Variants in DLG2 observed in about 807,000 individuals in gnomAD.
The protein encoded by DLG2 is disks large homolog 2.
In DLG2, 45 loss-of-function variants were observed where a neutral mutation model predicts 132.5. The observed-to-expected ratio is 0.34, with a 90% CI of 0.27 to 0.44. DLG2 has a LOEUF of 0.44. Among genes scored for constraint, DLG2 ranks in the 20% least tolerant of loss-of-function variants. The pLI is 1.00. For missense variants in DLG2, 1,045 were observed against 1,196.9 expected (o/e 0.87, Z 1.87); for synonymous variants, 424 against 419.6 (o/e 1.01, Z -0.13).
chr11:83,667,328 A>C (rs2075813822), intron 18 of DLG2, among the ~76,000 whole-genome samples: 1 of 152,214 alleles, frequency 6.6e-6, no homozygotes, highest in Non-Finnish European at 1.5e-5. Flanking sequence ...TAGCTGTCTA[A>C]GGATATGACA....
At chr11:85,134,783 GAAGAA>G (rs1372589096) in intron 5 of DLG2, among the ~76,000 whole-genome samples, 1 of 151,962 alleles carries the variant, frequency 6.6e-6, no homozygotes, top group East Asian at 1.9e-4. Context: ...AGGAAAAAAA[GAAGAA>G]AAGACAAGCT....
At chr11:83,724,192 T>A (rs1159020423) in intron 18 of DLG2, among the ~76,000 whole-genome samples, 1 of 152,010 alleles carries the variant, frequency 6.6e-6, no homozygotes, top group Non-Finnish European at 1.5e-5. Flanking sequence ...ACTGAACGCG[T>A]AAAATAAAAT....
At chr11:85,131,478 A>G (rs912578341) in intron 5 of DLG2, among the ~76,000 whole-genome samples, 5 of 152,150 alleles carry the variant, frequency 3.3e-5, no homozygotes, top group African/African-American at 1.2e-4. Context: ...TAGATTACAT[A>G]AGGACATACA....
intron 6 of DLG2, among the ~76,000 whole-genome samples, chr11:85,106,128 C>T (rs2071710961): frequency 6.6e-6 from 1 of 151,814 alleles, no homozygotes; most frequent in Admixed American, 6.6e-5. Context: ...ACAATTAACA[C>T]TTCAAAAGAA....
intron 6 of DLG2, among the ~76,000 whole-genome samples, chr11:84,798,574 A>AGGCTC (rs1357894928): frequency 2.0e-5 from 3 of 152,122 alleles, no homozygotes; most frequent in African/African-American, 7.2e-5. Flanking sequence ...TCAGGACAGA[A>AGGCTC]GGCTCTCCTC....
At chr11:84,961,093 G>A (rs1003279549) in intron 6 of DLG2, among the ~76,000 whole-genome samples, 6 of 151,670 alleles carry the variant, frequency 4.0e-5, no homozygotes, top group Non-Finnish European at 7.4e-5. Context: ...TGGGGAGTAG[G>A]CTCACGCTCC....
chr11:84,590,675 T>A (rs2099540706), intron 6 of DLG2, among the ~76,000 whole-genome samples: 1 of 152,124 alleles, frequency 6.6e-6, no homozygotes, highest in Non-Finnish European at 1.5e-5. Flanking sequence ...TATGAAGGTG[T>A]TCCTTACCTT....
At chr11:84,792,846 A>G (rs888951271) in intron 6 of DLG2, among the ~76,000 whole-genome samples, 1 of 151,782 alleles carries the variant, frequency 6.6e-6, no homozygotes, top group Admixed American at 6.6e-5. Context: ...TGTTAATTGC[A>G]TTTATCTTTT....
At chr11:85,120,400 G>C (rs2074158480) in intron 5 of DLG2, among the ~76,000 whole-genome samples, 1 of 151,958 alleles carries the variant, frequency 6.6e-6, no homozygotes, top group Non-Finnish European at 1.5e-5. Flanking sequence ...TATTTTAAGA[G>C]ACTTGCAAGA....
In DLG2 at chr11:83,906,972, G is replaced by T. The variant is rs530470767; in HGVS notation, c.1496+23356C>A. On this transcript the variant is annotated intron_variant, in intron 15 of 27. Coordinates refer to ENST00000376104, the MANE Select transcript of DLG2 (RefSeq NM_001142699.3). ...TAAAAGTACTATAACAGAGGTACCAGAAAAATACTATGAAATTGCTAAGAA... is the reference window on the plus strand; with the variant it reads ...TAAAAGTACTATAACAGAGGTACCATAAAAATACTATGAAATTGCTAAGAA... 5.9e-5 allele frequency among the ~76,000 whole-genome samples: 9 copies of T among 152,260 alleles called. No individual in the cohort carries two copies. In the South Asian group the frequency reaches 1.9e-3, roughly 32 times the overall value.
chr11:83,552,477 T>TA (rs1593026692), intron 19 of DLG2, among the ~76,000 whole-genome samples: 1 of 152,152 alleles, frequency 6.6e-6, no homozygotes, highest in East Asian at 1.9e-4. Flanking sequence ...ATTGTAGAGC[T>TA]CCTAGGAAGC....
chr11:85,608,765 C>G (rs897572064), intron 2 of DLG2, among the ~76,000 whole-genome samples: 1 of 152,162 alleles, frequency 6.6e-6, no homozygotes, highest in Non-Finnish European at 1.5e-5. Flanking sequence ...CAGATCAAGG[C>G]AGACCTGGTG....
chr11:83,473,569 A>T (rs2092315148), intron 22 of DLG2, among the ~76,000 whole-genome samples: 1 of 152,160 alleles, frequency 6.6e-6, no homozygotes, highest in Non-Finnish European at 1.5e-5. Context: ...TCAGAGGATT[A>T]GCTCAATTTC....
intron 6 of DLG2, among the ~76,000 whole-genome samples, chr11:84,633,568 T>C (rs1316147248): frequency 6.6e-6 from 1 of 152,052 alleles, no homozygotes; most frequent in Non-Finnish European, 1.5e-5. Flanking sequence ...TCCCACAACA[T>C]TGTTTATTTT....
At chr11:85,385,071 T>C (rs1300344613) in intron 3 of DLG2, among the ~76,000 whole-genome samples, 1 of 152,208 alleles carries the variant, frequency 6.6e-6, no homozygotes, top group Non-Finnish European at 1.5e-5. Context: ...AGTGGCTTAA[T>C]GAGAACTAAT....
Position 85,010,279 on chromosome 11 carries a change from C to T in DLG2, c.357+101382G>A, listed in dbSNP as rs147011634. On this transcript the variant is annotated intron_variant, in intron 6 of 27. Transcript: ENST00000376104. ...ATGTCTTTCCCTCTTTAAAGGAAAC[C>T]GTAAAAACATTCTTTCCAGTCTGCA... Among the ~76,000 whole-genome samples, 49 of 152,036 alleles carry T rather than the reference C, an allele frequency of 3.2e-4. No individual in the cohort carries two copies. In the South Asian group the frequency reaches 6.9e-3, roughly 21 times the overall value.
At chr11:83,810,834 G>T (rs543709700) in intron 17 of DLG2, among the ~76,000 whole-genome samples, 2 of 152,186 alleles carry the variant, frequency 1.3e-5, no homozygotes, top group African/African-American at 4.8e-5. Context: ...TGGATTCAAA[G>T]ATTATTTAGA....
At chr11:85,060,917 T>C (rs2064055124) in intron 6 of DLG2, among the ~76,000 whole-genome samples, 1 of 151,462 alleles carries the variant, frequency 6.6e-6, no homozygotes, top group Non-Finnish European at 1.5e-5. Context: ...TTGTTTTGTT[T>C]TTTAATGGTC....
chr11:84,359,077 T>C (rs1363309391), intron 7 of DLG2, among the ~76,000 whole-genome samples: 1 of 151,902 alleles, frequency 6.6e-6, no homozygotes, highest in African/African-American at 2.4e-5. Flanking sequence ...CAGGTGTATC[T>C]GACCCCAGAA....
Sources: gnomAD v4.1 joint callset for allele counts (sites outside exome capture counted in the v4.1 genomes callset) on GRCh38, gnomAD v4.1.1 for gene constraint, MANE v1.5 for transcripts, NCBI Gene and HGNC (gene_info 2026-07-23, HGNC 2026-07-21) for gene names.